KCNH1: variants seen among roughly 807,000 people sequenced by gnomAD.
The protein encoded by KCNH1 is voltage-gated delayed rectifier potassium channel KCNH1.
KCNH1 carries 27 observed loss-of-function variants against 69.2 expected under a neutral mutation model. The observed-to-expected ratio is 0.39, with a 90% CI of 0.29 to 0.54. KCNH1 has a LOEUF of 0.54. KCNH1 is among the 20% of genes least tolerant of loss of function. The pLI, the probability that KCNH1 is intolerant of heterozygous loss-of-function variation, is 0.68. For missense variants in KCNH1, 798 were observed against 1,261.6 expected, an observed-to-expected ratio of 0.63 and a Z score of 5.57; for synonymous variants, 456 against 487.7, an observed-to-expected ratio of 0.93 and a Z score of 0.86.
At chr1:210,870,641 G>A (rs1396436236) in intron 7 of KCNH1, among the ~76,000 whole-genome samples, 3 of 152,134 alleles carry the variant, frequency 2.0e-5, no homozygotes, top group Admixed American at 2.0e-4. Context: ...GACATGATAA[G>A]TCATAAATCT....
At chr1:210,806,348 C>T (rs187890329) in intron 7 of KCNH1, among the ~76,000 whole-genome samples, 1 of 152,028 alleles carries the variant, frequency 6.6e-6, no homozygotes. Context: ...GCTTATTGGT[C>T]ATTTATATAT....
intron 6 of KCNH1, among the ~76,000 whole-genome samples, chr1:211,007,342 G>C (rs1426304361): frequency 6.6e-6 from 1 of 152,136 alleles, no homozygotes; most frequent in Non-Finnish European, 1.5e-5. Context: ...AGCTCCTATT[G>C]CCCTTTCAAT....
intron 6 of KCNH1, among the ~76,000 whole-genome samples, chr1:210,971,710 A>AAGTC (rs10633322): frequency 0.77 from 117,005 of 151,524 alleles, 45,872 homozygotes; most frequent in African/African-American, 0.89. Flanking sequence ...CAAAATCTAA[A>AAGTC]AGGACATTTT....
rs150140665 is a variant in KCNH1 at position 210,924,870 on chromosome 1, G to A, written c.1033-4801C>T. 2.9e-3 allele frequency among the ~76,000 whole-genome samples: 430 copies of A among 150,658 alleles called. 1 individual carries two copies. The highest frequency in any genetic ancestry group is 1.0e-2 in the African/African-American group (409 of 40,958). Reference sequence around the variant, plus strand: ...AACAACTGTAGTCTAGGCCACTGAGGCACTCACAGATACCAATGACATTGA... The same window carrying A: ...AACAACTGTAGTCTAGGCCACTGAGACACTCACAGATACCAATGACATTGA... On this transcript the variant is annotated intron_variant, in intron 6 of 10. Transcript: ENST00000271751.
chr1:210,961,697 A>G (rs919215398), intron 6 of KCNH1, among the ~76,000 whole-genome samples: 5 of 152,074 alleles, frequency 3.3e-5, no homozygotes, highest in Non-Finnish European at 5.9e-5. Context: ...AAAATTAGCC[A>G]GGCATGGTGG....
At chr1:210,796,904 C>G (rs903655347) in intron 9 of KCNH1, among the ~76,000 whole-genome samples, 1 of 152,158 alleles carries the variant, frequency 6.6e-6, no homozygotes, top group African/African-American at 2.4e-5. Context: ...CTGCTTTCAG[C>G]TCTTCATTGG....
intron 7 of KCNH1, among the ~76,000 whole-genome samples, chr1:210,813,439 G>T (rs1684748622): frequency 6.6e-6 from 1 of 152,202 alleles, no homozygotes; most frequent in South Asian, 2.1e-4. Flanking sequence ...AGGAGGGGCT[G>T]AAGAGTAAGT....
intron 5 of KCNH1, among the ~76,000 whole-genome samples, chr1:211,067,588 T>C (rs1216605799): frequency 1.3e-5 from 2 of 152,182 alleles, no homozygotes; most frequent in Admixed American, 6.5e-5. Context: ...GAATCCAACC[T>C]GTGTCAAAGG....
intron 6 of KCNH1, among the ~76,000 whole-genome samples, chr1:210,929,378 C>G (rs1280445924): frequency 2.0e-5 from 3 of 152,144 alleles, no homozygotes; most frequent in African/African-American, 7.2e-5. Context: ...TTAACATACA[C>G]AAGTCAATAA....
chr1:210,986,450 C>T (rs1688836472), intron 6 of KCNH1, among the ~76,000 whole-genome samples: 1 of 152,160 alleles, frequency 6.6e-6, no homozygotes, highest in Admixed American at 6.5e-5. Flanking sequence ...TTTAGTGCTT[C>T]CTTCAGGAGC....
At chr1:210,868,461 T>G (rs1686164221) in intron 7 of KCNH1, among the ~76,000 whole-genome samples, 1 of 151,916 alleles carries the variant, frequency 6.6e-6, no homozygotes. Context: ...TTTTGTGTCG[T>G]AAGAAATCTT....
At chr1:210,944,399 C>A (rs897431937) in intron 6 of KCNH1, among the ~76,000 whole-genome samples, 3 of 152,226 alleles carry the variant, frequency 2.0e-5, no homozygotes, top group African/African-American at 4.8e-5. Context: ...GGCAAGCAAA[C>A]AGAGCCACAG....
At chr1:210,907,166 A>G (rs1687119597) in intron 7 of KCNH1, among the ~76,000 whole-genome samples, 1 of 152,156 alleles carries the variant, frequency 6.6e-6, no homozygotes, top group South Asian at 2.1e-4. Context: ...ACTTACTTAT[A>G]TGAGAGGTCC....
At chr1:210,789,829 C>A (rs184021461) in intron 9 of KCNH1, among the ~76,000 whole-genome samples, 1 of 152,300 alleles carries the variant, frequency 6.6e-6, no homozygotes, top group East Asian at 1.9e-4. Context: ...TTGTATTTTA[C>A]TTACTTTGCT....
chr1:211,088,726 A>G (rs60439619), intron 4 of KCNH1, among the ~76,000 whole-genome samples: 2,320 of 152,308 alleles, frequency 0.015, 58 homozygotes, highest in African/African-American at 0.053. Context: ...GAATCAAGCC[A>G]CAAGTTACTC....
chr1:210,860,726 T>C, intron 7 of KCNH1: 3 of 781,144 alleles, frequency 3.8e-6, no homozygotes, highest in Non-Finnish European at 7.1e-6. Context: ...TGAAGGACAA[T>C]GGCAGCTTCC....
chr1:210,819,634 A>G lies in KCNH1; in HGVS notation c.1463-15468T>C, dbSNP rs116298480. 3.0e-3 allele frequency among the ~76,000 whole-genome samples: 454 copies of G among 152,282 alleles called. 3 individuals are homozygous for G. The highest frequency in any genetic ancestry group is 0.01 in the African/African-American group (429 of 41,562). On this transcript the variant is annotated intron_variant, in intron 7 of 10. Coordinates refer to ENST00000271751, the MANE Select transcript of KCNH1 (RefSeq NM_172362.3). ...AAAAAACAGCATTCAATTTGTATTTAGCTGTTTGATGGGGTATTTATACAC... is the reference window on the plus strand; with the variant it reads ...AAAAAACAGCATTCAATTTGTATTTGGCTGTTTGATGGGGTATTTATACAC...
intron 7 of KCNH1, among the ~76,000 whole-genome samples, chr1:210,880,054 G>A (rs542703686): frequency 2.8e-4 from 43 of 152,204 alleles, no homozygotes; most frequent in African/African-American, 8.2e-4. Context: ...AGATCTATGT[G>A]AGGAAAACTA....
rs994633577 is a variant in KCNH1, at chr1:210,762,449, G to A, written c.2112+12899C>T. Reference sequence around the variant, plus strand: ...CAACAAAACAGAAGGTTGGTTCTTCGAAAAGGATAAACAAGTTCGATAGAC... The same window carrying A: ...CAACAAAACAGAAGGTTGGTTCTTCAAAAAGGATAAACAAGTTCGATAGAC... On this transcript the variant is annotated intron_variant, in intron 10 of 10. Coordinates refer to ENST00000271751, the MANE Select transcript of KCNH1 (RefSeq NM_172362.3). Among the ~76,000 whole-genome samples the A allele has an allele frequency of 2.6e-5, 4 of 152,098 alleles. No homozygotes were observed. In the South Asian group the frequency reaches 6.2e-4, roughly 24 times the overall value.
Sources: allele counts gnomAD v4.1 joint callset (sites outside exome capture counted in the v4.1 genomes callset), GRCh38; gene constraint gnomAD v4.1.1; transcripts MANE v1.5; gene names NCBI Gene and HGNC (gene_info 2026-07-23, HGNC 2026-07-21).